Variants in TNC observed in about 807,000 individuals in gnomAD.
The protein encoded by TNC is tenascin C.
A neutral mutation model predicts 202.4 loss-of-function variants in TNC; 109 were observed. That is an observed-to-expected ratio of 0.54 (90% CI 0.46 to 0.63). The LOEUF is 0.63. Among genes scored for constraint, TNC ranks in the 30% least tolerant of loss-of-function variants. The pLI, the probability that TNC is intolerant of heterozygous loss-of-function variation, is 0.00. For missense variants in TNC, 2,756 were observed against 2,833.3 expected, an observed-to-expected ratio of 0.97 and a Z score of 0.62; for synonymous variants, 1,007 against 1,089.7, an observed-to-expected ratio of 0.92 and a Z score of 1.50.
rs1034994820 is a variant in TNC at position 115,023,913 on chromosome 9, C to T, written c.6495+60G>A. 31 of 1,561,304 alleles carry T rather than the reference C, an allele frequency of 2.0e-5. No individual in the cohort carries two copies. The South Asian group carries it at 3.6e-4, about 18-fold the overall frequency. ...TAGGATAGGGAGTTAAATTGTACTTCCATTAGCCCCCTCCAGCTTCCCAAG... is the reference window on the plus strand; with the variant it reads ...TAGGATAGGGAGTTAAATTGTACTTTCATTAGCCCCCTCCAGCTTCCCAAG... On this transcript the variant is annotated intron_variant, in intron 27 of 27. Transcript: ENST00000350763.
intron 27 of TNC, among the ~76,000 whole-genome samples, chr9:115,023,144 C>T (rs3789876): frequency 0.018 from 2,717 of 152,096 alleles, 130 homozygotes; most frequent in East Asian, 0.1. Context: ...TTATAAAGTC[C>T]TTGGGATTCC....
At chr9:115,084,049 G>T (rs1187855578) in intron 4 of TNC, among the ~76,000 whole-genome samples, 160 bp downstream of exon 4, 1 of 152,164 alleles carries the variant, frequency 6.6e-6, no homozygotes, top group Non-Finnish European at 1.5e-5. Context: ...GAAAATGAGG[G>T]ATTTCTTTAA....
chr9:115,101,156 A>G (rs1836204200), intron 1 of TNC, among the ~76,000 whole-genome samples: 1 of 152,226 alleles, frequency 6.6e-6, no homozygotes, highest in African/African-American at 2.4e-5. Flanking sequence ...CAAAGAAGAT[A>G]AACATGTTCT....
At chr9:115,044,698 T>A (rs746203199) in intron 17 of TNC, among the ~76,000 whole-genome samples, 1 of 152,116 alleles carries the variant, frequency 6.6e-6, no homozygotes, top group African/African-American at 2.4e-5. Flanking sequence ...CTGCCTCTGA[T>A]CTGGAGTCGT....
chr9:115,076,673 G>A (rs894973849), intron 7 of TNC, 98 bp from the exon 8 acceptor site: 1 of 1,358,830 alleles, frequency 7.4e-7, no homozygotes, highest in Non-Finnish European at 1.0e-6. Flanking sequence ...GCCTGGAACT[G>A]GAGAGAAATT....
intron 21 of TNC, chr9:115,035,557 G>A: frequency 4.1e-6 from 2 of 483,224 alleles, no homozygotes; most frequent in African/African-American, 2.0e-5. Flanking sequence ...GTTTCTAACT[G>A]GCCTTGGTTG....
At position 115,020,256 on chromosome 9, in the gene TNC, T is replaced by A. The variant is rs1020463459; in HGVS notation, c.*901A>T. 1.9e-4 allele frequency: 28 copies of A among 151,038 alleles called. No individual in the cohort carries two copies. Among genetic ancestry groups the A allele is most frequent in the African/African-American group, 6.6e-4 (27 of 40,898 alleles). 9.4% of individuals were successfully genotyped at this position (151,038 alleles called of 1,614,324 possible). ...TCTGTAGAGACAAGTTCTCACTATG[T>A]TGCTCAGGCTGGTCTCAAACTCCTG... On this transcript the variant is annotated 3_prime_UTR_variant, in exon 28 of 28. Transcript: ENST00000350763.
chr9:115,094,047 A>G (rs1459821325), intron 1 of TNC, among the ~76,000 whole-genome samples: 1 of 152,198 alleles, frequency 6.6e-6, no homozygotes, highest in African/African-American at 2.4e-5. Flanking sequence ...TGCAACTTTG[A>G]CAAGCTACTT....
chr9:115,046,524 G>A lies in TNC; in HGVS notation c.5011C>T (p.Pro1671Ser). The change falls in exon 17 of 28, where the codon CCC becomes TCC. Residue 1671 changes from proline to serine, a missense_variant. Physicochemically the swap from Pro to Ser is moderately conservative, Grantham distance 74. Transcript: ENST00000350763. ...CCTGTTATGTCCCTGGTACGTTCGG[G>A]GGCAAGTAGGGTTATTTCCAGTGGC... ...SEPLEITLLAPERTRDITGLR... is the reference protein window; with the variant it reads ...SEPLEITLLASERTRDITGLR... 2 of 1,614,090 alleles carry A rather than the reference G, an allele frequency of 1.2e-6. No individual in the cohort carries two copies. The highest frequency in any genetic ancestry group is 1.7e-6 in the Non-Finnish European group (2 of 1,179,988).
At chr9:115,022,451 G>C (rs186103898) in intron 27 of TNC, among the ~76,000 whole-genome samples, 3 of 152,350 alleles carry the variant, frequency 2.0e-5, no homozygotes, top group Non-Finnish European at 2.9e-5. Context: ...CACACAGCAG[G>C]AGGAGCAGAG....
chr9:115,053,517 G>A (rs1831867317), intron 15 of TNC, among the ~76,000 whole-genome samples: 2 of 152,326 alleles, frequency 1.3e-5, no homozygotes, highest in African/African-American at 4.8e-5. Flanking sequence ...GGTTCTGTCA[G>A]TAAACCTGTT....
rs1441723507 is a variant in TNC, at chr9:115,081,658, T to G, written c.2404+114A>C. Reference sequence around the variant, plus strand: ...ACCACTGTATCTGGATTTTTAAAAATGCAGCAAAAGTTAAATGATGTAGAT... The same window carrying G: ...ACCACTGTATCTGGATTTTTAAAAAGGCAGCAAAAGTTAAATGATGTAGAT... On this transcript the variant is annotated intron_variant, in intron 6 of 27. Transcript: ENST00000350763. 5 of 1,229,138 alleles carry G rather than the reference T, an allele frequency of 4.1e-6. No individual in the cohort carries two copies. The East Asian group carries it at 1.2e-4, about 29-fold the overall frequency. The allele number at this position is 1,229,138 out of a possible 1,614,324, so 76.1% of individuals were successfully genotyped here. A position where few individuals can be genotyped will look rare whatever the true frequency, so the allele number is the denominator to read the frequency against.
At chr9:115,029,129 A>C (rs1829757945) in intron 25 of TNC, among the ~76,000 whole-genome samples, 1 of 151,524 alleles carries the variant, frequency 6.6e-6, no homozygotes, top group Admixed American at 6.6e-5. Context: ...TGGCTAAGTA[A>C]ACCTCTAAAT....
intron 21 of TNC, 132 bp downstream of exon 21, chr9:115,035,966 G>A: frequency 9.5e-7 from 1 of 1,055,010 alleles, no homozygotes; most frequent in Non-Finnish European, 1.4e-6. Flanking sequence ...GTGAATTTAA[G>A]TGATGCTGAT....
Position 115,036,097 on chromosome 9 carries a change from C to T in TNC, c.5656+1G>A, listed in dbSNP as rs112693691. On this transcript the variant is annotated splice_donor_variant, in intron 21 of 27. Coordinates refer to ENST00000350763, the MANE Select transcript of TNC (RefSeq NM_002160.4). LOFTEE classifies it high-confidence loss of function. ...GCTTCCAGCTCTCAGTGTCTTTGTA[C>T]CTGTTGTGAACTTGGCAGTGATGGT... 1.2e-6 allele frequency: 2 copies of T among 1,613,984 alleles called. No homozygotes were observed. The highest frequency in any genetic ancestry group is 1.7e-6 in the Non-Finnish European group (2 of 1,179,982).
intron 14 of TNC, among the ~76,000 whole-genome samples, chr9:115,058,679 T>G (rs1304086440): frequency 6.6e-6 from 1 of 152,238 alleles, no homozygotes; most frequent in African/African-American, 2.4e-5. Flanking sequence ...AGCTATGCTC[T>G]TGCTAGATTC....
chr9:115,091,509 T>A (rs1220815121), intron 1 of TNC, among the ~76,000 whole-genome samples: 1 of 152,266 alleles, frequency 6.6e-6, no homozygotes, highest in African/African-American at 2.4e-5. Flanking sequence ...ATAGTGAAGA[T>A]CATAGTTGCT....
intron 18 of TNC, 99 bp downstream of exon 18, chr9:115,042,120 G>T: frequency 6.8e-7 from 1 of 1,473,944 alleles, no homozygotes; most frequent in East Asian, 2.3e-5. Context: ...CATTTTCTTT[G>T]ATCATGATGT....
rs549163419 is a variant in TNC at position 115,086,470 on chromosome 9, C to A, written c.1261G>T (p.Gly421Trp). The A allele has an allele frequency of 6.2e-7, 1 of 1,613,856 alleles. No individual in the cohort carries two copies. Among genetic ancestry groups the A allele is most frequent in the South Asian group, 1.1e-5 (1 of 91,074 alleles). Reference sequence around the variant, plus strand: ...TAGCCCTCATCACACACACACTGCCCATTGACACAGCGGCCATGGCCACTG... The same window carrying A: ...TAGCCCTCATCACACACACACTGCCAATTGACACAGCGGCCATGGCCACTG... ...GCSGHGRCVN[G>W]QCVCDEGYTG... Residue 421 changes from glycine to tryptophan, a missense_variant, in exon 3 of 28, where the codon GGG becomes TGG. Coordinates refer to ENST00000350763, the MANE Select transcript of TNC (RefSeq NM_002160.4).
Sources: gnomAD v4.1 joint callset for allele counts (sites outside exome capture counted in the v4.1 genomes callset) on GRCh38, gnomAD v4.1.1 for gene constraint, MANE v1.5 for transcripts, NCBI Gene and HGNC (gene_info 2026-07-23, HGNC 2026-07-21) for gene names.